TUSC3: variants seen among roughly 807,000 people sequenced by gnomAD.
TUSC3 encodes tumor suppressor candidate 3.
TUSC3 carries 45 observed loss-of-function variants against 44.8 expected under a neutral mutation model. The observed-to-expected ratio is 1.00, with a 90% CI of 0.79 to 1.29. TUSC3 has a LOEUF of 1.29. Among genes scored for constraint, TUSC3 ranks in the 50% most tolerant of loss-of-function variants. TUSC3 has a pLI of 0.00. For synonymous variants in TUSC3, 212 were observed against 152.9 expected, an observed-to-expected ratio of 1.39 and a Z score of -2.85; for missense variants, 519 against 437.9, an observed-to-expected ratio of 1.19 and a Z score of -1.65.
intron 1 of TUSC3, among the ~76,000 whole-genome samples, chr8:15,431,041 T>C (rs1319647474): frequency 6.6e-6 from 1 of 151,760 alleles, no homozygotes; most frequent in Non-Finnish European, 1.5e-5. Context: ...CACTGGTATA[T>C]GTATCAGTCT....
the TUSC3 span, among the ~76,000 whole-genome samples, chr8:15,787,234 A>G: frequency 6.6e-6 from 1 of 152,166 alleles, no homozygotes; most frequent in Non-Finnish European, 1.5e-5. Context: ...AGTTTCAAAA[A>G]TAATTCCTAC....
At chr8:15,748,838 TATC>T in intron 9 of TUSC3, 1 of 438,512 alleles carries the variant, frequency 2.3e-6, no homozygotes, top group Non-Finnish European at 4.5e-6. Flanking sequence ...AACTTTGTAT[TATC>T]TTTTGAATTC....
intron 1 of TUSC3, among the ~76,000 whole-genome samples, chr8:15,464,626 G>A (rs1012067969): frequency 1.3e-5 from 2 of 152,076 alleles, no homozygotes; most frequent in South Asian, 2.1e-4. Context: ...AGTTACCTCA[G>A]TATATCAGTT....
intron 3 of TUSC3, 22 bp from the exon 4 acceptor site, chr8:15,659,485 A>AT (rs762761590): frequency 2.5e-6 from 4 of 1,608,752 alleles, no homozygotes; most frequent in Non-Finnish European, 3.4e-6. Context: ...TATATTTAGT[A>AT]TTTTTTTCTC....
intron 1 of TUSC3, among the ~76,000 whole-genome samples, chr8:15,462,758 C>T (rs574679959): frequency 1.3e-5 from 2 of 152,024 alleles, no homozygotes; most frequent in Non-Finnish European, 2.9e-5. Context: ...TGCACCAGTA[C>T]AGAGCTGTTA....
At chr8:15,669,617 TATG>T (rs780754741) in intron 5 of TUSC3, among the ~76,000 whole-genome samples, 1 of 151,724 alleles carries the variant, frequency 6.6e-6, no homozygotes, top group African/African-American at 2.4e-5. Context: ...AACAAAAAAA[TATG>T]ATCATCTTTG....
chr8:15,688,850 G>C (rs1368091747), intron 6 of TUSC3: 1 of 155,026 alleles, frequency 6.5e-6, no homozygotes, highest in Non-Finnish European at 1.4e-5. Flanking sequence ...CAGTTACTTT[G>C]TAGAATTTCA....
At chr8:15,666,405 C>T (rs1807663728) in intron 5 of TUSC3, among the ~76,000 whole-genome samples, 1 of 151,516 alleles carries the variant, frequency 6.6e-6, no homozygotes, top group Non-Finnish European at 1.5e-5. Context: ...ATGATTCATA[C>T]ACCTTCATGT....
At chr8:15,458,683 C>A (rs1563256491) in intron 1 of TUSC3, among the ~76,000 whole-genome samples, 1 of 152,172 alleles carries the variant, frequency 6.6e-6, no homozygotes, top group Admixed American at 6.6e-5. Flanking sequence ...AGTTCGAGTG[C>A]ATGCTCCTCC....
At chr8:15,783,395 C>T in the TUSC3 span, among the ~76,000 whole-genome samples, 4 of 152,068 alleles carry the variant, frequency 2.6e-5, no homozygotes, top group East Asian at 7.7e-4. Flanking sequence ...TATGGAAGCA[C>T]AGAAAATCCT....
chr8:15,800,468 G>A, the TUSC3 span, among the ~76,000 whole-genome samples: 1 of 152,046 alleles, frequency 6.6e-6, no homozygotes, highest in Non-Finnish European at 1.5e-5. Context: ...AGCTACTTGG[G>A]GGGCTGAGGT....
downstream of TUSC3, among the ~76,000 whole-genome samples, chr8:15,767,631 T>C (rs748856947): frequency 6.6e-6 from 1 of 152,174 alleles, no homozygotes; most frequent in African/African-American, 2.4e-5. Flanking sequence ...GACTGCAGCC[T>C]GCATTCCTTA....
At chr8:15,768,576 A>G (rs1308079879), downstream of TUSC3, among the ~76,000 whole-genome samples, 1 of 152,204 alleles carries the variant, frequency 6.6e-6, no homozygotes, top group East Asian at 1.9e-4. Context: ...GAAACAGAGA[A>G]TGATTTATCA....
chr8:15,527,794 G>C (rs1049369914), intron 2 of TUSC3, among the ~76,000 whole-genome samples: 7 of 152,090 alleles, frequency 4.6e-5, no homozygotes, highest in South Asian at 2.1e-4. Context: ...ATTATCAATA[G>C]ACAAAATAAG....
intron 1 of TUSC3, among the ~76,000 whole-genome samples, chr8:15,466,504 T>G (rs1484540143): frequency 1.3e-5 from 2 of 152,010 alleles, no homozygotes; most frequent in African/African-American, 2.4e-5. Flanking sequence ...GTTCTTAGCT[T>G]ATTTTTAAAG....
At chr8:15,603,827 T>G (rs62504258) in intron 1 of TUSC3, among the ~76,000 whole-genome samples, 1 of 151,420 alleles carries the variant, frequency 6.6e-6, no homozygotes, top group Non-Finnish European at 1.5e-5. Flanking sequence ...ATGTTAAATT[T>G]TACAGACTTA....
At chr8:15,532,112 A>G (rs1184899334) in intron 2 of TUSC3, among the ~76,000 whole-genome samples, 1 of 151,924 alleles carries the variant, frequency 6.6e-6, no homozygotes, top group African/African-American at 2.4e-5. Context: ...TTTTCCTTGC[A>G]GATAGGAGAT....
intron 7 of TUSC3, among the ~76,000 whole-genome samples, chr8:15,732,337 C>T (rs777175879): frequency 2.6e-5 from 4 of 152,110 alleles, no homozygotes; most frequent in African/African-American, 7.2e-5. Context: ...GAGTAAGTCT[C>T]ATGAGATCTG....
At chr8:15,650,388 G>A (rs1806835922) in intron 2 of TUSC3, among the ~76,000 whole-genome samples, 2 of 152,042 alleles carry the variant, frequency 1.3e-5, no homozygotes, top group Non-Finnish European at 1.5e-5. Flanking sequence ...AAAGGGCTAG[G>A]CTTTGTGATA....
Sources: allele counts gnomAD v4.1 joint callset (sites outside exome capture counted in the v4.1 genomes callset), GRCh38; gene constraint gnomAD v4.1.1; transcripts MANE v1.5; gene names NCBI Gene and HGNC (gene_info 2026-07-23, HGNC 2026-07-21).